Variants in PLEKHM1 observed in about 807,000 individuals in gnomAD.
PLEKHM1 encodes pleckstrin homology domain-containing family M member 1.
Under a neutral mutation model 94.3 loss-of-function variants are expected in PLEKHM1, and 28 were observed. The observed-to-expected ratio is 0.30, with a 90% confidence interval of 0.22 to 0.41. The LOEUF is 0.41. PLEKHM1 is among the 10% of genes least tolerant of loss of function. The pLI is 1.00. For missense variants in PLEKHM1, 907 were observed against 1,358.6 expected (o/e 0.67, Z 5.22); for synonymous variants, 424 against 581.2 (o/e 0.73, Z 3.89).
rs202150970 is a variant in PLEKHM1, at chr17:45,445,602, T to C, written c.2705A>G (p.Gln902Arg). ...QIRAQPLINLQMVNASLYEHV... is the reference protein window; with the variant it reads ...QIRAQPLINLRMVNASLYEHV... ...CTCGTACAGAGACGCGTTCACCATCTGCAGGTTGATGAGGGGCTGGGCCCG... is the reference window on the plus strand; with the variant it reads ...CTCGTACAGAGACGCGTTCACCATCCGCAGGTTGATGAGGGGCTGGGCCCG... Residue 902 changes from glutamine (Q) to arginine (R), a missense_variant, in exon 9 of 12, where the codon CAG becomes CGG. Transcript: ENST00000430334. This position sits in a 1 kb window ranked among gnomAD's most constrained non-coding sequence, Gnocchi z 4.2. 1 of 1,613,744 alleles carries C rather than the reference T, an allele frequency of 6.2e-7. No homozygotes were observed. The highest frequency in any genetic ancestry group is 8.5e-7 in the Non-Finnish European group (1 of 1,179,838).
intron 5 of PLEKHM1, among the ~76,000 whole-genome samples, chr17:45,460,738 T>C (rs2051127671): frequency 6.6e-6 from 1 of 151,974 alleles, no homozygotes; most frequent in South Asian, 2.1e-4. Context: ...TTTATATTTT[T>C]AGTAGAGATG....
chr17:45,478,651 CA>C (rs1388270015), intron 2 of PLEKHM1, among the ~76,000 whole-genome samples: 2 of 152,188 alleles, frequency 1.3e-5, no homozygotes, highest in Non-Finnish European at 2.9e-5. Context: ...ATGAGGAGAA[CA>C]GGAGCATGGT....
rs1036071852 is a variant in PLEKHM1, at chr17:45,444,506, CG to C, written c.2837+963del. ...CATCCTGAGGGCCCCGCCCGGATCACGTCTTCTTTGGAGAATTTCAGGAGGG... is the reference window on the plus strand; with the variant it reads ...CATCCTGAGGGCCCCGCCCGGATCACTCTTCTTTGGAGAATTTCAGGAGGG... On this transcript the variant is annotated intron_variant, in intron 9 of 11. Coordinates refer to ENST00000430334, the MANE Select transcript of PLEKHM1 (RefSeq NM_014798.3). This position sits in a 1 kb window ranked among gnomAD's most constrained non-coding sequence, Gnocchi z 5.0. Among the ~76,000 whole-genome samples the C allele has an allele frequency of 2.0e-5, 3 of 152,232 alleles. No homozygotes were observed. Among genetic ancestry groups the C allele is most frequent in the Non-Finnish European group, 4.4e-5 (3 of 68,042 alleles).
In PLEKHM1 at chr17:45,482,431, A is replaced by G. The variant is rs1416905576; in HGVS notation, c.48+6T>C. 1.5e-5 allele frequency: 15 copies of G among 1,032,444 alleles called. No individual in the cohort carries two copies. The highest frequency in any genetic ancestry group is 3.9e-5 in the African/African-American group (2 of 50,878). The allele number at this position is 1,032,444 out of a possible 1,614,324, so 64.0% of individuals were successfully genotyped here. ...CCCCGCCCTTGATCCTCCCTCACCC[A>G]CCTACCGGGATGGCAGCCTGGGGGT... On this transcript the variant is annotated splice_donor_region_variant and intron_variant, in intron 2 of 11. Transcript: ENST00000430334.
At chr17:45,487,757 C>A (rs1463840344) in intron 1 of PLEKHM1, 1 of 455,950 alleles carries the variant, frequency 2.2e-6, no homozygotes, top group South Asian at 1.5e-5. Context: ...AACCTGGTTC[C>A]ACCACTCTCA....
At chr17:45,472,482 G>T (rs1309842897) in intron 4 of PLEKHM1, among the ~76,000 whole-genome samples, 3 of 152,144 alleles carry the variant, frequency 2.0e-5, no homozygotes, top group African/African-American at 7.2e-5. Context: ...ATATGACAAG[G>T]GATGGCTGGC....
At chr17:45,456,023 G>A (rs1023792509) in intron 6 of PLEKHM1, among the ~76,000 whole-genome samples, 12 of 152,080 alleles carry the variant, frequency 7.9e-5, no homozygotes, top group African/African-American at 2.7e-4. Context: ...CAGCCCCAGC[G>A]CAGGGTCTTT....
chr17:45,451,942 A>G (rs1477477131), intron 7 of PLEKHM1, among the ~76,000 whole-genome samples: 1 of 152,210 alleles, frequency 6.6e-6, no homozygotes, highest in Non-Finnish European at 1.5e-5. Context: ...TTCTGCAGGA[A>G]GCTCTGTTCT....
chr17:45,454,459 T>C, intron 6 of PLEKHM1, 187 bp from the exon 7 acceptor site: 1 of 657,362 alleles, frequency 1.5e-6, no homozygotes, highest in South Asian at 1.7e-5. Context: ...ATTCTCACCG[T>C]CCACTGCTGC....
At chr17:45,472,782 G>C (rs1320334310) in intron 4 of PLEKHM1, among the ~76,000 whole-genome samples, 1 of 152,196 alleles carries the variant, frequency 6.6e-6, no homozygotes. Flanking sequence ...TGGTGGAACA[G>C]GACTCGAAAC....
chr17:45,467,023 T>C (rs1008781270), intron 5 of PLEKHM1, among the ~76,000 whole-genome samples: 6 of 152,214 alleles, frequency 3.9e-5, no homozygotes, highest in Non-Finnish European at 7.3e-5. Context: ...GGTTGCAATA[T>C]ATTTTTACAA....
chr17:45,451,790 G>A lies in PLEKHM1; in HGVS notation c.2498-1027C>T, dbSNP rs371761580. Among the ~76,000 whole-genome samples the A allele has an allele frequency of 8.3e-4, 127 of 152,212 alleles. 1 individual carries two copies. The highest frequency in any genetic ancestry group is 3.0e-3 in the African/African-American group (123 of 41,536). On this transcript the variant is annotated intron_variant, in intron 7 of 11. Coordinates refer to ENST00000430334, the MANE Select transcript of PLEKHM1 (RefSeq NM_014798.3). ...AGCCATGGTGAGAGTTGCCCCCGCA[G>A]CATTCACACCCACAGGCGAGGAACC...
intron 4 of PLEKHM1, among the ~76,000 whole-genome samples, chr17:45,469,525 G>C (rs960229157): frequency 1.3e-5 from 2 of 152,204 alleles, no homozygotes; most frequent in Non-Finnish European, 2.9e-5. Context: ...AGTGGAGCAT[G>C]TCATGGGCAA....
chr17:45,473,907 G>A (rs1410298807), intron 4 of PLEKHM1, among the ~76,000 whole-genome samples: 3 of 151,938 alleles, frequency 2.0e-5, no homozygotes, highest in Non-Finnish European at 4.4e-5. Context: ...AAATTTGGAA[G>A]AATATACAGG....
rs1261852912 is a variant in PLEKHM1 at position 45,445,551 on chromosome 17, C to T, written c.2756G>A (p.Gly919Glu). The T allele has an allele frequency of 6.2e-6, 10 of 1,613,758 alleles. No individual in the cohort carries two copies. The highest frequency in any genetic ancestry group is 8.5e-6 in the Non-Finnish European group (10 of 1,179,882). ...YEHVERMHLI[G>E]RRREQLKLLG... is the part of the protein sequence containing the mutation. ...GAGCTTCAGCTGCTCCCGTCTCCTC[C>T]CAATGAGGTGCATCCGCTCCACATG... The change falls in exon 9 of 12, where the codon GGG becomes GAG. Residue 919 changes from glycine to glutamate, a missense_variant. By Grantham distance (98) the Gly-to-Glu change is moderately conservative. This residue lies in a region of PLEKHM1 where 254 missense variants were observed against 451.1 expected (regional missense o/e 0.56). Coordinates refer to ENST00000430334, the MANE Select transcript of PLEKHM1 (RefSeq NM_014798.3). The surrounding 1 kb of genome is among the most constrained non-coding windows in gnomAD (Gnocchi z 4.2).
rs2051943406 is a variant in PLEKHM1 at position 45,481,287 on chromosome 17, C to T, written c.48+1150G>A. On this transcript the variant is annotated intron_variant, in intron 2 of 11. Transcript: ENST00000430334. ...TGTTGAGTTATAAGTGTTCTTTATACATTCTGGATACTAGACCCTTATCAG... is the reference window on the plus strand; with the variant it reads ...TGTTGAGTTATAAGTGTTCTTTATATATTCTGGATACTAGACCCTTATCAG... Among the ~76,000 whole-genome samples the T allele has an allele frequency of 2.6e-5, 4 of 152,022 alleles. No homozygotes were observed. The South Asian group carries it at 8.3e-4, about 32-fold the overall frequency.
chr17:45,450,647 T>G lies in PLEKHM1; in HGVS notation c.2614A>C (p.Ile872Leu), dbSNP rs1339192527. The change falls in exon 8 of 12, where the codon ATC becomes CTC. Residue 872 changes from isoleucine (I) to leucine (L), a missense_variant. This residue lies in a region of PLEKHM1 where 254 missense variants were observed against 451.1 expected (regional missense o/e 0.56). Transcript: ENST00000430334. ...DDASVIPARI[I>L]HNWDLTKRPI... The stretch of plus-strand genomic sequence containing the variant: ...CGCTTGGTGAGGTCCCAGTTGTGGA[T>G]GATCCTGGCCGGAATCACTGAGGCA... 5 of 1,612,774 alleles carry G rather than the reference T, an allele frequency of 3.1e-6. No individual in the cohort carries two copies. The Admixed American group carries it at 6.7e-5, about 22-fold the overall frequency.
In PLEKHM1 at chr17:45,437,795, C is replaced by G; in HGVS notation, c.*63G>C. 2 of 1,332,890 alleles carry G rather than the reference C, an allele frequency of 1.5e-6. No homozygotes were observed. Among genetic ancestry groups the G allele is most frequent in the South Asian group, 1.2e-5 (1 of 85,508 alleles). 82.6% of individuals were successfully genotyped at this position (1,332,890 alleles called of 1,614,324 possible). On this transcript the variant is annotated 3_prime_UTR_variant, in exon 12 of 12. Transcript: ENST00000430334. The surrounding 1 kb of genome is among the most constrained non-coding windows in gnomAD (Gnocchi z 4.0). ...GTGAGTATCCTGGGCTGATGGCAAA[C>G]CCAGCCGGGATGGCTGAGCCACACT...
intron 6 of PLEKHM1, chr17:45,454,681 T>A: frequency 5.3e-6 from 2 of 378,136 alleles, no homozygotes; most frequent in African/African-American, 2.0e-5. Flanking sequence ...CTGTCACTGC[T>A]TTCTTCCTTC....
Sources: allele counts gnomAD v4.1 joint callset (sites outside exome capture counted in the v4.1 genomes callset), GRCh38; gene constraint gnomAD v4.1.1; regional missense constraint gnomAD v4.1.1; non-coding constraint Gnocchi (gnomAD v3.1); transcripts MANE v1.5; gene names NCBI Gene and HGNC (gene_info 2026-07-23, HGNC 2026-07-21).